The following OPHN1 variants were observed in gnomAD, a reference collection of about 807,000 sequenced individuals.
The protein encoded by OPHN1 is oligophrenin 1, also known as oligophrenin-1.
Under a neutral mutation model 60.7 loss-of-function variants are expected in OPHN1, and 11 were observed. The ratio of observed to expected loss-of-function variants is 0.18; its 90% confidence interval spans 0.11 to 0.30. The LOEUF is 0.30. Among genes scored for constraint, OPHN1 ranks in the 10% least tolerant of loss-of-function variants. The probability of loss-of-function intolerance (pLI) is 1.00; values close to 1 mark genes in which losing one functional copy is unlikely to be tolerated. For missense variants in OPHN1, 449 were observed against 611.0 expected (o/e 0.73, Z 2.80); for synonymous variants, 226 against 222.6 (o/e 1.02, Z -0.14).
chrX:68,355,998 C>T (rs371634691), intron 2 of OPHN1, among the ~76,000 whole-genome samples: 13 of 108,749 alleles, frequency 1.2e-4, no homozygotes, highest in East Asian at 1.2e-3. Context: ...TGCAGTGGGC[C>T]GAGATTGTGC....
chrX:68,329,259 CTT>C (rs1159016627), intron 2 of OPHN1, among the ~76,000 whole-genome samples: 2 of 111,906 alleles, frequency 1.8e-5, no homozygotes, highest in African/African-American at 3.2e-5. Flanking sequence ...AGTGGATAGT[CTT>C]ATATTTGTTG....
chrX:68,117,844 G>A (rs2077133772), intron 16 of OPHN1, among the ~76,000 whole-genome samples: 2 of 111,603 alleles, frequency 1.8e-5, no homozygotes, highest in Non-Finnish European at 3.8e-5. Context: ...CCGCCCACTC[G>A]CACTTTCAGG....
chrX:68,088,954 T>C (rs987691172), intron 19 of OPHN1, among the ~76,000 whole-genome samples: 2 of 111,181 alleles, frequency 1.8e-5, no homozygotes, highest in African/African-American at 6.5e-5. Context: ...CTCACAGAGG[T>C]AGCCTGGACA....
At chrX:68,390,204 AT>A (rs2078646757) in intron 2 of OPHN1, among the ~76,000 whole-genome samples, 1 of 111,686 alleles carries the variant, frequency 9.0e-6, no homozygotes, top group Non-Finnish European at 1.9e-5. Context: ...TCAAGATGAT[AT>A]TTGGGTGGAG....
chrX:68,139,237 A>G (rs754113625), intron 15 of OPHN1, among the ~76,000 whole-genome samples: 27 of 112,190 alleles, frequency 2.4e-4, no homozygotes, highest in Admixed American at 5.7e-4. Context: ...ACCAAACTGT[A>G]AAAGAAAAGA....
chrX:68,283,225 G>A (rs775291981), intron 3 of OPHN1, 108 bp from the exon 4 acceptor site: 7 of 578,190 alleles, frequency 1.2e-5, no homozygotes, highest in Non-Finnish European at 2.0e-5. Context: ...ATGCCCACAT[G>A]GCCACTAGAG....
chrX:68,138,520 A>G (rs1483378097), intron 15 of OPHN1, among the ~76,000 whole-genome samples: 1 of 112,247 alleles, frequency 8.9e-6, no homozygotes, highest in African/African-American at 3.2e-5. Context: ...CTCATTGTAC[A>G]GCACCATAAA....
intron 5 of OPHN1, among the ~76,000 whole-genome samples, chrX:68,263,826 A>T (rs966113026): frequency 3.5e-4 from 39 of 112,049 alleles, no homozygotes; most frequent in African/African-American, 1.2e-3. Context: ...AAAAAGAAAA[A>T]ATAAATAAGT....
intron 3 of OPHN1, among the ~76,000 whole-genome samples, chrX:68,294,135 C>T (rs1940008594): frequency 9.0e-6 from 1 of 110,718 alleles, no homozygotes; most frequent in South Asian, 3.8e-4. Flanking sequence ...GACACGCTAC[C>T]TATTTACTAA....
chrX:68,064,124 G>T lies in OPHN1; in HGVS notation c.1888C>A (p.Pro630Thr), dbSNP rs1469556939. 6.6e-6 allele frequency: 8 copies of T among 1,208,306 alleles called. No individual in the cohort carries two copies. The highest frequency in any genetic ancestry group is 6.7e-6 in the Non-Finnish European group (6 of 894,604). Residue 630 changes from proline (P) to threonine (T), a missense_variant, in exon 21 of 25, where the codon CCC becomes ACC. Transcript: ENST00000355520. ...NGTITSSIEP[P>T]KPPQHPKLPI... The stretch of plus-strand genomic sequence containing the variant: ...AGTTTGGGGTGTTGTGGTGGCTTGG[G>T]GGGTTCTATGCTGCTGGTGATAGTA...
intron 19 of OPHN1, among the ~76,000 whole-genome samples, chrX:68,093,379 A>G (rs955293220): frequency 1.8e-5 from 2 of 111,887 alleles, no homozygotes; most frequent in East Asian, 2.8e-4. Context: ...TTCAAATATT[A>G]ATTAACATCC....
At chrX:68,187,658 T>C (rs746576312) in intron 15 of OPHN1, among the ~76,000 whole-genome samples, 37 of 111,291 alleles carry the variant, frequency 3.3e-4, no homozygotes, top group South Asian at 1.5e-3. Context: ...GGTGGAGTCT[T>C]GCTCTGTCGC....
intron 3 of OPHN1, among the ~76,000 whole-genome samples, chrX:68,284,110 A>T (rs917234190): frequency 8.9e-6 from 1 of 111,852 alleles, no homozygotes; most frequent in Non-Finnish European, 1.9e-5. Context: ...AAAGAGTCAG[A>T]GATTTTAATT....
chrX:68,147,001 C>A (rs1028986309), intron 15 of OPHN1, among the ~76,000 whole-genome samples: 3 of 112,048 alleles, frequency 2.7e-5, no homozygotes, highest in African/African-American at 9.7e-5. Flanking sequence ...CTCCTAAGAT[C>A]TCCATAAGGC....
chrX:68,129,303 T>C (rs1052754858), intron 15 of OPHN1, among the ~76,000 whole-genome samples: 1 of 111,221 alleles, frequency 9.0e-6, no homozygotes, highest in African/African-American at 3.3e-5. Flanking sequence ...AAACTTTGCA[T>C]CTCAAAAATA....
At chrX:68,299,742 T>C (rs2078111464) in intron 2 of OPHN1, among the ~76,000 whole-genome samples, 2 of 111,903 alleles carry the variant, frequency 1.8e-5, no homozygotes, top group Admixed American at 1.9e-4. Context: ...AAACAAATGC[T>C]TTTATTTTTG....
intron 20 of OPHN1, among the ~76,000 whole-genome samples, chrX:68,072,820 A>G (rs1301296775): frequency 8.9e-6 from 1 of 111,867 alleles, no homozygotes; most frequent in African/African-American, 3.3e-5. Flanking sequence ...TGTTTGCTAT[A>G]TTTGAATTTA....
intron 2 of OPHN1, among the ~76,000 whole-genome samples, chrX:68,322,029 T>C (rs774742058): frequency 2.0e-4 from 22 of 111,202 alleles, no homozygotes; most frequent in African/African-American, 5.6e-4. Flanking sequence ...TGGAGTGCAG[T>C]GGCGCCATCA....
intron 5 of OPHN1, among the ~76,000 whole-genome samples, chrX:68,248,924 G>C (rs367923646): frequency 4.5e-5 from 5 of 111,861 alleles, no homozygotes; most frequent in South Asian, 7.6e-4. Flanking sequence ...ATAGGGTATA[G>C]AAAGATGCTT....
Sources: gnomAD v4.1 joint callset for allele counts (sites outside exome capture counted in the v4.1 genomes callset) on GRCh38, gnomAD v4.1.1 for gene constraint, MANE v1.5 for transcripts, NCBI Gene and HGNC (gene_info 2026-07-23, HGNC 2026-07-21) for gene names.